The following DIAPH3 variants were observed in gnomAD, a reference collection of about 807,000 sequenced individuals.
The protein encoded by DIAPH3 is diaphanous related formin 3.
A neutral mutation model predicts 144.3 loss-of-function variants in DIAPH3; 117 were observed. The ratio of observed to expected loss-of-function variants is 0.81; its 90% CI spans 0.70 to 0.95. The LOEUF is 0.95. Among genes scored for constraint, DIAPH3 ranks in the 40% least tolerant of loss-of-function variants. DIAPH3 has a pLI of 0.00. For missense variants in DIAPH3, 1,421 were observed against 1,412.7 expected, an observed-to-expected ratio of 1.01 and a Z score of -0.09; for synonymous variants, 519 against 488.9, an observed-to-expected ratio of 1.06 and a Z score of -0.81.
chr13:59,952,291 T>C (rs1446483225), intron 17 of DIAPH3, among the ~76,000 whole-genome samples: 1 of 152,088 alleles, frequency 6.6e-6, no homozygotes, highest in Non-Finnish European at 1.5e-5. Flanking sequence ...GGGTTTTACT[T>C]TGGAATGATG....
chr13:60,071,040 T>C (rs979909474), intron 4 of DIAPH3, among the ~76,000 whole-genome samples: 1 of 152,324 alleles, frequency 6.6e-6, no homozygotes, highest in Middle Eastern at 3.4e-3. Context: ...TTCTTAAACA[T>C]GCAAAATTTT....
At chr13:59,873,817 G>A (rs928512976) in intron 21 of DIAPH3, among the ~76,000 whole-genome samples, 8 of 151,396 alleles carry the variant, frequency 5.3e-5, no homozygotes, top group African/African-American at 1.5e-4. Flanking sequence ...GATTACAGGC[G>A]CCTGCCACTA....
intron 24 of DIAPH3, among the ~76,000 whole-genome samples, chr13:59,831,472 T>A (rs2041777037): frequency 6.6e-6 from 1 of 151,954 alleles, no homozygotes; most frequent in South Asian, 2.1e-4. Context: ...TGTGACAACA[T>A]GTACAAAGTA....
At chr13:59,963,910 C>T (rs55654397) in intron 17 of DIAPH3, among the ~76,000 whole-genome samples, 10,657 of 152,176 alleles carry the variant, frequency 0.07, 414 homozygotes, top group Admixed American at 0.11. Flanking sequence ...GAAGGATAAG[C>T]CTCATTTAAA....
intron 4 of DIAPH3, among the ~76,000 whole-genome samples, chr13:60,091,599 TA>T (rs1003605858): frequency 6.6e-6 from 1 of 151,962 alleles, no homozygotes; most frequent in African/African-American, 2.4e-5. Context: ...TATAGACACT[TA>T]AAAAACAACA....
chr13:60,083,976 A>C (rs1160673441), intron 4 of DIAPH3, among the ~76,000 whole-genome samples: 1 of 151,190 alleles, frequency 6.6e-6, no homozygotes, highest in African/African-American at 2.4e-5. Flanking sequence ...CTATAGTCTG[A>C]GGATGCACTT....
intron 27 of DIAPH3, among the ~76,000 whole-genome samples, chr13:59,758,129 G>T (rs977212531): frequency 5.3e-5 from 8 of 152,120 alleles, no homozygotes; most frequent in African/African-American, 1.9e-4. Flanking sequence ...GTATAAACTG[G>T]TACAACTATT....
At chr13:59,973,571 T>G (rs1594181211) in intron 15 of DIAPH3, among the ~76,000 whole-genome samples, 1 of 152,078 alleles carries the variant, frequency 6.6e-6, no homozygotes, top group Admixed American at 6.6e-5. Context: ...TTAAGGTATC[T>G]CCAGACAGCC....
chr13:59,717,832 C>A (rs1161953436), intron 27 of DIAPH3, among the ~76,000 whole-genome samples: 1 of 151,472 alleles, frequency 6.6e-6, no homozygotes, highest in Non-Finnish European at 1.5e-5. Context: ...ACAAGCCAAA[C>A]CAAACCAAAA....
chr13:60,121,304 T>C (rs963114975), intron 2 of DIAPH3, among the ~76,000 whole-genome samples: 1 of 152,014 alleles, frequency 6.6e-6, no homozygotes, highest in Non-Finnish European at 1.5e-5. Context: ...AAAATAAAGA[T>C]TTAATTTTTT....
chr13:59,867,719 C>G (rs771479007), intron 21 of DIAPH3, among the ~76,000 whole-genome samples: 2 of 152,002 alleles, frequency 1.3e-5, no homozygotes, highest in African/African-American at 4.8e-5. Flanking sequence ...TTATCTACTG[C>G]GTTGCACTGT....
intron 5 of DIAPH3, among the ~76,000 whole-genome samples, chr13:60,024,241 G>A (rs1423963073): frequency 1.3e-5 from 2 of 151,880 alleles, no homozygotes; most frequent in Non-Finnish European, 2.9e-5. Context: ...TAGATCTTTG[G>A]TTATAGACCC....
intron 5 of DIAPH3, among the ~76,000 whole-genome samples, chr13:60,034,979 G>A (rs566878210): frequency 6.2e-4 from 94 of 152,080 alleles, no homozygotes; most frequent in Non-Finnish European, 1.1e-3. Context: ...TTTTTAAAAA[G>A]TCAATCTTGG....
chr13:59,885,201 T>C, intron 20 of DIAPH3, among the ~76,000 whole-genome samples: 1 of 152,112 alleles, frequency 6.6e-6, no homozygotes, highest in East Asian at 1.9e-4. Context: ...ACTTCCTATT[T>C]AATTTGGCAG....
intron 27 of DIAPH3, among the ~76,000 whole-genome samples, chr13:59,753,233 G>A (rs1340836916): frequency 6.6e-6 from 1 of 152,072 alleles, no homozygotes; most frequent in Non-Finnish European, 1.5e-5. Flanking sequence ...TTAGTAAAGG[G>A]CAAATATTAG....
intron 21 of DIAPH3, among the ~76,000 whole-genome samples, chr13:59,866,282 A>G (rs2043919866): frequency 6.6e-6 from 1 of 152,058 alleles, no homozygotes; most frequent in African/African-American, 2.4e-5. Context: ...GAAAATGGAA[A>G]TTTAGAGAGA....
intron 7 of DIAPH3, chr13:60,013,077 A>T (rs2053388407): frequency 3.0e-6 from 3 of 985,212 alleles, no homozygotes; most frequent in Non-Finnish European, 3.6e-6. Context: ...GCATTTAATG[A>T]GGGCTGTTTT....
chr13:59,959,175 C>T (rs542930091), intron 17 of DIAPH3, among the ~76,000 whole-genome samples: 3 of 152,248 alleles, frequency 2.0e-5, no homozygotes, highest in South Asian at 4.1e-4. Flanking sequence ...TGCACCCAGT[C>T]TTCAATAAAC....
intron 19 of DIAPH3, 68 bp downstream of exon 19, chr13:59,916,087 T>G (rs2140259155): frequency 7.1e-7 from 1 of 1,398,838 alleles, no homozygotes; most frequent in East Asian, 2.3e-5. Flanking sequence ...TTGCTTCACT[T>G]ACAGATTTCT....
Sources: allele counts gnomAD v4.1 joint callset (sites outside exome capture counted in the v4.1 genomes callset), GRCh38; gene constraint gnomAD v4.1.1; transcripts MANE v1.5; gene names NCBI Gene and HGNC (gene_info 2026-07-23, HGNC 2026-07-21).